The following EMSY variants were observed in gnomAD, a reference collection of about 807,000 sequenced individuals.
EMSY encodes BRCA2-interacting transcriptional repressor EMSY.
Under a neutral mutation model 134.6 loss-of-function variants are expected in EMSY, and 26 were observed. That is an observed-to-expected ratio of 0.19 (90% CI 0.14 to 0.27). The LOEUF (loss-of-function observed/expected upper bound fraction) is 0.27. Ranked by LOEUF, EMSY falls within the 10% of genes least tolerant of loss-of-function variation. The pLI, the probability that EMSY is intolerant of heterozygous loss-of-function variation, is 1.00. For missense variants in EMSY, 1,305 were observed against 1,611.4 expected, an observed-to-expected ratio of 0.81 and a Z score of 3.26; for synonymous variants, 579 against 577.8, an observed-to-expected ratio of 1.00 and a Z score of -0.03.
chr11:76,468,178 T>C (rs1412410460), intron 7 of EMSY, among the ~76,000 whole-genome samples: 1 of 152,102 alleles, frequency 6.6e-6, no homozygotes, highest in Non-Finnish European at 1.5e-5. Flanking sequence ...ATTTTTTTTC[T>C]TCTGAATTTT....
intron 16 of EMSY, among the ~76,000 whole-genome samples, chr11:76,538,526 G>A (rs1320792386): frequency 6.6e-6 from 1 of 152,116 alleles, no homozygotes; most frequent in African/African-American, 2.4e-5. Context: ...CTCCCAAAGT[G>A]CTGGAATTAC....
chr11:76,531,682 C>G (rs1427026698), intron 14 of EMSY, among the ~76,000 whole-genome samples: 1 of 152,102 alleles, frequency 6.6e-6, no homozygotes, highest in Non-Finnish European at 1.5e-5. Context: ...TAGGAAGGTA[C>G]ATGATATAAA....
chr11:76,528,578 T>C lies in EMSY; in HGVS notation c.2194+112T>C, dbSNP rs566452599. The C allele has an allele frequency of 1.8e-3, 1,154 of 638,084 alleles. 2 individuals are homozygous for C. Among genetic ancestry groups the C allele is most frequent in the Middle Eastern group, 4.2e-3 (10 of 2,360 alleles). 39.5% of individuals were successfully genotyped at this position (638,084 alleles called of 1,614,324 possible). A position where few individuals can be genotyped will look rare whatever the true frequency, so the allele number is the denominator to read the frequency against. ...CAACAAATTTGTATGCTCTATCAAT[T>C]CTTTTCCTTTTTTTTTTTTTTTTTT... is the stretch of plus-strand genomic sequence containing the variant. On this transcript the variant is annotated intron_variant, in intron 14 of 20. Transcript: ENST00000334736.
intron 8 of EMSY, among the ~76,000 whole-genome samples, chr11:76,485,639 G>T (rs139992629): frequency 1.6e-3 from 237 of 152,278 alleles, no homozygotes; most frequent in Non-Finnish European, 2.9e-3. Context: ...ACTGGTACAA[G>T]ACAAGAATGC....
intron 12 of EMSY, among the ~76,000 whole-genome samples, chr11:76,523,787 G>A (rs1218361469): frequency 7.5e-6 from 1 of 134,148 alleles, no homozygotes; most frequent in Non-Finnish European, 1.5e-5. Flanking sequence ...GCACATGTCT[G>A]TAATCCCAGC....
chr11:76,538,127 A>T (rs1388742188), intron 16 of EMSY, among the ~76,000 whole-genome samples, 177 bp downstream of exon 17: 1 of 152,238 alleles, frequency 6.6e-6, no homozygotes, highest in Non-Finnish European at 1.5e-5. Context: ...AGGAAAAAAA[A>T]TAGGATGTTA....
At chr11:76,546,153 C>T (rs1416700251) in exon 20 of EMSY, 2 of 1,614,066 alleles carry the variant, frequency 1.2e-6, no homozygotes, top group Non-Finnish European at 8.5e-7. Context: ...GTAGAGAGTC[C>T]TGTTCGAGTC....
downstream of EMSY, chr11:76,551,724 G>A (rs1431596500): frequency 1.3e-5 from 2 of 151,982 alleles, no homozygotes. Context: ...AACCTTTCTT[G>A]GGTCATAGAC....
intron 7 of EMSY, among the ~76,000 whole-genome samples, 194 bp downstream of exon 8, chr11:76,464,274 T>C (rs1948260537): frequency 6.6e-6 from 1 of 152,238 alleles, no homozygotes; most frequent in South Asian, 2.1e-4. Context: ...GATGAGGCTT[T>C]GCGATGTTAA....
intron 2 of EMSY, among the ~76,000 whole-genome samples, chr11:76,450,372 C>A (rs1272566054): frequency 6.6e-6 from 1 of 152,154 alleles, no homozygotes; most frequent in Non-Finnish European, 1.5e-5. Context: ...CTACTCTGAG[C>A]AGCAGAGCTT....
Position 76,548,337 on chromosome 11 carries a change from G to A in EMSY, c.3775-1615G>A, listed in dbSNP as rs542975038. On this transcript the variant is annotated intron_variant, in intron 20 of 20. Transcript: ENST00000334736. ...TGATATTAAATGCTTTGAATGAAAA[G>A]CATTGCTCTTTGTGGACAGTCTGTA... is the stretch of plus-strand genomic sequence containing the variant. 2.2e-4 allele frequency among the ~76,000 whole-genome samples: 33 copies of A among 152,298 alleles called. No individual in the cohort carries two copies. The South Asian group carries it at 5.8e-3, about 27-fold the overall frequency.
At chr11:76,485,720 T>G (rs558056440) in intron 8 of EMSY, among the ~76,000 whole-genome samples, 2 of 152,094 alleles carry the variant, frequency 1.3e-5, no homozygotes, top group South Asian at 2.1e-4. Flanking sequence ...GAGAAAGAAA[T>G]AAAGGGTATT....
At chr11:76,533,863 C>T (rs1481518044) in intron 14 of EMSY, among the ~76,000 whole-genome samples, 1 of 152,114 alleles carries the variant, frequency 6.6e-6, no homozygotes, top group East Asian at 1.9e-4. Flanking sequence ...TCATTGCGTT[C>T]CATGACTTGA....
In EMSY at chr11:76,445,592, T is replaced by G. The variant is rs1009923350; in HGVS notation, c.-40+464T>G. On this transcript the variant is annotated intron_variant, in intron 1 of 20. Coordinates refer to ENST00000334736, the Ensembl canonical transcript of EMSY. Reference sequence around the variant, plus strand: ...GGAGAGGGGGCGGGGCGGGCTTGTCTCCTTGACACTTGAGTGGGGAAGGAT... The same window carrying G: ...GGAGAGGGGGCGGGGCGGGCTTGTCGCCTTGACACTTGAGTGGGGAAGGAT... Among the ~76,000 whole-genome samples, 7 of 152,146 alleles carry G rather than the reference T, an allele frequency of 4.6e-5. No homozygotes were observed. In the East Asian group the frequency reaches 1.4e-3, roughly 30 times the overall value.
chr11:76,546,281 C>T (rs2136836778), exon 20 of EMSY: 1 of 1,608,840 alleles, frequency 6.2e-7, no homozygotes, highest in Non-Finnish European at 8.5e-7. Context: ...GAGAGTCCAG[C>T]AGAAATTATC....
intron 5 of EMSY, 22 bp from the exon 7 acceptor site, chr11:76,459,911 A>C (rs769113365): frequency 1.2e-6 from 2 of 1,604,998 alleles, no homozygotes; most frequent in African/African-American, 1.3e-5. Flanking sequence ...GTTAACAGCA[A>C]ACTTTTTTAT....
exon 8 of EMSY, chr11:76,472,740 TGGCAGCAGC>T: frequency 1.2e-6 from 2 of 1,614,096 alleles, no homozygotes; most frequent in Non-Finnish European, 1.7e-6. Flanking sequence ...ATAGCAGCAG[TGGCAGCAGC>T]AGTTCTACAC....
At chr11:76,496,010 T>C (rs1227085304) in intron 8 of EMSY, among the ~76,000 whole-genome samples, 1 of 152,180 alleles carries the variant, frequency 6.6e-6, no homozygotes, top group Non-Finnish European at 1.5e-5. Context: ...CTGAGAACAA[T>C]GGTTACCTCC....
At chr11:76,461,094 C>T (rs1948098818) in intron 6 of EMSY, 1 of 152,010 alleles carries the variant, frequency 6.6e-6, no homozygotes, top group African/African-American at 2.4e-5. Context: ...CAACTCAAGG[C>T]AGAAAGTGGA....
Sources: allele counts gnomAD v4.1 joint callset (sites outside exome capture counted in the v4.1 genomes callset), GRCh38; gene constraint gnomAD v4.1.1; transcripts MANE v1.5; gene names NCBI Gene and HGNC (gene_info 2026-07-23, HGNC 2026-07-21).